Variants in TRAPPC9 observed in about 807,000 individuals in gnomAD.
TRAPPC9 encodes the protein trafficking protein particle complex subunit 9, also known as IKK2 binding protein.
TRAPPC9 carries 83 observed loss-of-function variants against 124.0 expected under a neutral mutation model. The ratio of observed to expected loss-of-function variants is 0.67; its 90% confidence interval spans 0.56 to 0.80. The LOEUF is 0.80. Ranked by LOEUF, TRAPPC9 falls within the 30% of genes least tolerant of loss-of-function variation. TRAPPC9 has a pLI of 0.00. For synonymous variants in TRAPPC9, 638 were observed against 617.5 expected, an observed-to-expected ratio of 1.03 and a Z score of -0.49; for missense variants, 1,302 against 1,508.3, an observed-to-expected ratio of 0.86 and a Z score of 2.27.
At chr8:139,850,063 T>G (rs1418149119) in intron 21 of TRAPPC9, among the ~76,000 whole-genome samples, 1 of 152,178 alleles carries the variant, frequency 6.6e-6, no homozygotes, top group Non-Finnish European at 1.5e-5. Context: ...ACCCTGCATC[T>G]CTGTCCAATT....
At chr8:139,979,637 A>AACACACACAGCAAAGTGT (rs1306208955) in intron 19 of TRAPPC9, among the ~76,000 whole-genome samples, 1 of 152,138 alleles carries the variant, frequency 6.6e-6, no homozygotes, top group East Asian at 1.9e-4. Context: ...AAAGTCTACG[A>AACACACACAGCAAAGTGT]ACCTCTAGTA....
intron 19 of TRAPPC9, among the ~76,000 whole-genome samples, chr8:139,923,659 C>G (rs1832641620): frequency 6.6e-6 from 1 of 152,228 alleles, no homozygotes; most frequent in African/African-American, 2.4e-5. Context: ...GCAGAGTCCT[C>G]AGAAGAGCGG....
At chr8:140,282,451 C>T (rs771939961) in intron 14 of TRAPPC9, among the ~76,000 whole-genome samples, 7 of 149,180 alleles carry the variant, frequency 4.7e-5, no homozygotes, top group African/African-American at 1.5e-4. Flanking sequence ...TGCAGTGAGC[C>T]GAGATTGCGC....
chr8:139,762,141 G>A lies in TRAPPC9; in HGVS notation c.3056-29939C>T, dbSNP rs1016815802. On this transcript the variant is annotated intron_variant, in intron 21 of 22. Transcript: ENST00000438773. ...GAGGGCCTGCCACATGCTCATTGGA[G>A]GAGTGGGAGAAGGCCAGCTTTCAGC... 2.4e-4 allele frequency among the ~76,000 whole-genome samples: 36 copies of A among 151,718 alleles called. 1 individual carries two copies. The highest frequency in any genetic ancestry group is 8.7e-4 in the African/African-American group (36 of 41,296).
intron 21 of TRAPPC9, among the ~76,000 whole-genome samples, chr8:139,869,093 CCAAA>C (rs1174942090): frequency 6.6e-6 from 1 of 152,136 alleles, no homozygotes; most frequent in Non-Finnish European, 1.5e-5. Context: ...ATAACCAAGA[CCAAA>C]CATTTATACC....
intron 17 of TRAPPC9, among the ~76,000 whole-genome samples, chr8:140,031,941 G>C (rs917779545): frequency 1.3e-5 from 2 of 152,224 alleles, no homozygotes; most frequent in Non-Finnish European, 2.9e-5. Flanking sequence ...AGGATACTAA[G>C]GAGAGCATCA....
chr8:139,818,199 T>C (rs1196955614), intron 21 of TRAPPC9, among the ~76,000 whole-genome samples: 1 of 152,206 alleles, frequency 6.6e-6, no homozygotes, highest in Non-Finnish European at 1.5e-5. Context: ...GCCCTGTCTC[T>C]AGGTGCTGGG....
At chr8:139,962,201 T>G (rs1162976105) in intron 19 of TRAPPC9, among the ~76,000 whole-genome samples, 1 of 124,600 alleles carries the variant, frequency 8.0e-6, no homozygotes, top group African/African-American at 2.5e-5. Flanking sequence ...TCAGTCTTCC[T>G]GGATGCAGGA....
intron 21 of TRAPPC9, among the ~76,000 whole-genome samples, chr8:139,828,475 C>A (rs773149546): frequency 1.3e-5 from 2 of 152,160 alleles, no homozygotes; most frequent in East Asian, 1.9e-4. Flanking sequence ...TGAAGATAAC[C>A]GCTCACATTT....
At chr8:140,231,924 C>A (rs1407501617) in intron 16 of TRAPPC9, among the ~76,000 whole-genome samples, 4 of 152,090 alleles carry the variant, frequency 2.6e-5, no homozygotes, top group Non-Finnish European at 4.4e-5. Flanking sequence ...CTCACAACAT[C>A]ACATATTCTG....
chr8:139,869,455 A>T (rs1828756389), intron 21 of TRAPPC9, among the ~76,000 whole-genome samples: 1 of 152,240 alleles, frequency 6.6e-6, no homozygotes, highest in Non-Finnish European at 1.5e-5. Context: ...CACACATGTC[A>T]CATCAATACA....
chr8:140,300,731 T>G lies in TRAPPC9; in HGVS notation c.1623-117A>C. ...GTAAATCAGTCAGAAGGAAGATAAA[T>G]GGAGGGAGGAAAAGCACTCCGAGGC... On this transcript the variant is annotated intron_variant, in intron 10 of 22. Coordinates refer to ENST00000438773, the MANE Select transcript of TRAPPC9 (RefSeq NM_001160372.4). The G allele has an allele frequency of 7.5e-6, 10 of 1,326,828 alleles. No individual in the cohort carries two copies. The South Asian group carries it at 1.1e-4, about 14-fold the overall frequency. 82.2% of individuals were successfully genotyped at this position (1,326,828 alleles called of 1,614,324 possible). A position where few individuals can be genotyped will look rare whatever the true frequency, so the allele number is the denominator to read the frequency against.
At chr8:139,983,675 G>C (rs573693039) in intron 19 of TRAPPC9, among the ~76,000 whole-genome samples, 1 of 152,264 alleles carries the variant, frequency 6.6e-6, no homozygotes, top group East Asian at 1.9e-4. Flanking sequence ...CCTTTCTTCT[G>C]CTGGGTGAAG....
At chr8:140,330,299 C>G (rs546710519) in intron 9 of TRAPPC9, among the ~76,000 whole-genome samples, 4 of 152,204 alleles carry the variant, frequency 2.6e-5, no homozygotes, top group African/African-American at 9.6e-5. Flanking sequence ...CCTAGAAAGG[C>G]TGAAAAAGTC....
chr8:140,306,492 C>CAAAA (rs11447991), intron 10 of TRAPPC9, among the ~76,000 whole-genome samples: 16 of 115,172 alleles, frequency 1.4e-4, no homozygotes, highest in South Asian at 3.1e-4. Context: ...GACTCTGTCT[C>CAAAA]AAAAAAAAAA....
chr8:140,383,506 CG>C (rs2068670871), intron 7 of TRAPPC9, among the ~76,000 whole-genome samples: 1 of 152,140 alleles, frequency 6.6e-6, no homozygotes, highest in African/African-American at 2.4e-5. Flanking sequence ...ACGAGAACTA[CG>C]TGACGAATGC....
At position 140,435,129 on chromosome 8, in the gene TRAPPC9, G is replaced by T; in HGVS notation, c.842C>A (p.Ala281Asp). 1 of 1,614,192 alleles carries T rather than the reference G, an allele frequency of 6.2e-7. No homozygotes were observed. The highest frequency in any genetic ancestry group is 8.5e-7 in the Non-Finnish European group (1 of 1,180,040). The part of the protein sequence containing the change: ...FQGSTLPAEA[A>D]NRHRPGAQEV... Reference sequence around the variant, plus strand: ...GAGCTCACCTGGCCGGTGTCTATTGGCTGCTTCAGCAGGAAGGGTGCTGCC... The same window carrying T: ...GAGCTCACCTGGCCGGTGTCTATTGTCTGCTTCAGCAGGAAGGGTGCTGCC... Residue 281 changes from alanine (A) to aspartate (D), a missense_variant, in exon 4 of 23, where the codon GCC becomes GAC. Ala to Asp is a moderately radical substitution (Grantham distance 126). Around this residue, in one of 3 missense-constraint regions of TRAPPC9, gnomAD observed 657 missense variants for 811.2 expected, o/e 0.81. Transcript: ENST00000438773.
At chr8:139,977,122 T>C (rs551278327) in intron 19 of TRAPPC9, among the ~76,000 whole-genome samples, 3 of 152,238 alleles carry the variant, frequency 2.0e-5, no homozygotes, top group East Asian at 1.9e-4. Flanking sequence ...AGCACTTTCA[T>C]ATTTTGTTTC....
intron 17 of TRAPPC9, among the ~76,000 whole-genome samples, chr8:140,152,235 TAAAAAAAAAA>T (rs71320343): frequency 6.6e-5 from 7 of 106,696 alleles, no homozygotes; most frequent in Non-Finnish European, 1.1e-4. Flanking sequence ...ACTTAAGCTT[TAAAAAAAAAA>T]AAAAAAAAAA....
Sources: allele counts gnomAD v4.1 joint callset (sites outside exome capture counted in the v4.1 genomes callset), GRCh38; gene constraint gnomAD v4.1.1; regional missense constraint gnomAD v4.1.1; transcripts MANE v1.5; gene names NCBI Gene and HGNC (gene_info 2026-07-23, HGNC 2026-07-21).